SNAP91: variants seen among roughly 807,000 people sequenced by gnomAD.
SNAP91 encodes the protein synaptosome associated protein 91, also known as clathrin coat assembly protein AP180.
Under a neutral mutation model 100.3 loss-of-function variants are expected in SNAP91, and 27 were observed. The observed-to-expected ratio is 0.27, with a 90% CI of 0.20 to 0.37. The LOEUF is 0.37. Among genes scored for constraint, SNAP91 ranks in the 10% least tolerant of loss-of-function variants. The pLI, the probability that SNAP91 is intolerant of heterozygous loss-of-function variation, is 1.00. For missense variants in SNAP91, 986 were observed against 1,123.7 expected (o/e 0.88, Z 1.75); for synonymous variants, 404 against 398.6 (o/e 1.01, Z -0.16).
intron 7 of SNAP91, among the ~76,000 whole-genome samples, chr6:83,654,916 A>T (rs1006186161): frequency 6.6e-6 from 1 of 152,176 alleles, no homozygotes; most frequent in Non-Finnish European, 1.5e-5. Flanking sequence ...ACCTCAATAA[A>T]CAGAAACCAT....
At chr6:83,590,627 T>C (rs147920983) in intron 22 of SNAP91, among the ~76,000 whole-genome samples, 1 of 152,114 alleles carries the variant, frequency 6.6e-6, no homozygotes, top group Non-Finnish European at 1.5e-5. Flanking sequence ...CTGTAACAGT[T>C]TCTCTTGGAG....
intron 2 of SNAP91, among the ~76,000 whole-genome samples, chr6:83,695,440 T>A (rs9444098): frequency 0.064 from 9,700 of 152,190 alleles, 988 homozygotes; most frequent in African/African-American, 0.22. Context: ...ATCTTATTGT[T>A]TGAATACACT....
chr6:83,683,276 T>G (rs573560799), intron 2 of SNAP91, among the ~76,000 whole-genome samples: 1 of 152,158 alleles, frequency 6.6e-6, no homozygotes, highest in African/African-American at 2.4e-5. Flanking sequence ...AAGACTCTCT[T>G]AGTAAGTGAT....
chr6:83,692,369 G>A (rs978904180), intron 2 of SNAP91, among the ~76,000 whole-genome samples: 4 of 152,052 alleles, frequency 2.6e-5, no homozygotes, highest in Admixed American at 6.6e-5. Context: ...ACAAAAATTA[G>A]CTAGGCGTGG....
intron 8 of SNAP91, among the ~76,000 whole-genome samples, chr6:83,632,084 CTG>C (rs2097229638): frequency 6.6e-6 from 1 of 151,880 alleles, no homozygotes; most frequent in East Asian, 1.9e-4. Flanking sequence ...CTGAAAAAGA[CTG>C]TATCTTTCCT....
Position 83,601,605 on chromosome 6 carries a change from G to A in SNAP91, c.1142-6C>T, listed in dbSNP as rs140189735. ...CTCACCCTCTCCCAAAAGGTCTACCGATGTCCATTACATGGCAGCATAAGA... is the reference window on the plus strand; with the variant it reads ...CTCACCCTCTCCCAAAAGGTCTACCAATGTCCATTACATGGCAGCATAAGA... On this transcript the variant is annotated splice_polypyrimidine_tract_variant and splice_region_variant and intron_variant, in intron 14 of 29. Coordinates refer to ENST00000369694, the MANE Select transcript of SNAP91 (RefSeq NM_001242792.2). 1.1e-5 allele frequency: 17 copies of A among 1,612,962 alleles called. No homozygotes were observed. Among genetic ancestry groups the A allele is most frequent in the Admixed American group, 1.7e-5 (1 of 59,944 alleles).
rs1439044081 is a variant in SNAP91 at position 83,622,035 on chromosome 6, T to TA, written c.807+1265dup. Among the ~76,000 whole-genome samples the TA allele has an allele frequency of 3.3e-5, 5 of 152,134 alleles. No individual in the cohort carries two copies. The East Asian group carries it at 9.6e-4, about 29-fold the overall frequency. On this transcript the variant is annotated intron_variant, in intron 9 of 29. Coordinates refer to ENST00000369694, the MANE Select transcript of SNAP91 (RefSeq NM_001242792.2). ...GTTACAAAGATAAATCTATATCTAA[T>TA]AAAGAGATTTTTAGTGGCACTTTAT...
intron 7 of SNAP91, among the ~76,000 whole-genome samples, chr6:83,641,439 GA>G (rs1290685099): frequency 6.6e-6 from 1 of 152,076 alleles, no homozygotes; most frequent in African/African-American, 2.4e-5. Flanking sequence ...AATGAAAACA[GA>G]ACTAAAGTAG....
intron 26 of SNAP91, among the ~76,000 whole-genome samples, chr6:83,573,269 G>A (rs1290422812): frequency 1.1e-4 from 16 of 152,150 alleles, no homozygotes; most frequent in Admixed American, 1.0e-3. Flanking sequence ...TCTTCAAGGA[G>A]AACTACAAAC....
intron 27 of SNAP91, among the ~76,000 whole-genome samples, 158 bp from the exon 28 acceptor site, chr6:83,560,366 T>C (rs2127826979): frequency 6.6e-6 from 1 of 152,346 alleles, no homozygotes; most frequent in East Asian, 1.9e-4. Flanking sequence ...AATGTGAGGC[T>C]GTACTGTGAG....
intron 2 of SNAP91, among the ~76,000 whole-genome samples, chr6:83,684,903 C>A (rs933306169): frequency 2.6e-5 from 4 of 152,162 alleles, no homozygotes; most frequent in African/African-American, 9.7e-5. Flanking sequence ...GACAATTATT[C>A]TTAAAATGAG....
intron 16 of SNAP91, among the ~76,000 whole-genome samples, chr6:83,596,155 A>G (rs1484471776): frequency 1.3e-5 from 2 of 152,188 alleles, no homozygotes; most frequent in African/African-American, 4.8e-5. Flanking sequence ...ACTGGTCTCA[A>G]GTGAGCCTCT....
chr6:83,568,331 A>C (rs888901638), intron 26 of SNAP91, among the ~76,000 whole-genome samples: 18 of 151,696 alleles, frequency 1.2e-4, no homozygotes, highest in African/African-American at 4.1e-4. Context: ...AACATCACAC[A>C]CTGGGGCCTG....
intron 2 of SNAP91, among the ~76,000 whole-genome samples, chr6:83,695,544 A>G (rs543101181): frequency 6.6e-6 from 1 of 152,236 alleles, no homozygotes; most frequent in South Asian, 2.1e-4. Flanking sequence ...CATTTTTCCA[A>G]TTATTTACCT....
At chr6:83,592,880 A>G in intron 20 of SNAP91, 66 bp downstream of exon 20, 1 of 1,189,340 alleles carries the variant, frequency 8.4e-7, no homozygotes, top group South Asian at 1.3e-5. Context: ...CACATGTTAT[A>G]TCCTTCTCTC....
intron 16 of SNAP91, among the ~76,000 whole-genome samples, chr6:83,600,563 A>G (rs1157465840): frequency 6.6e-6 from 1 of 152,246 alleles, no homozygotes; most frequent in Non-Finnish European, 1.5e-5. Context: ...AACTGGCTTC[A>G]CATGGCTCAT....
intron 2 of SNAP91, among the ~76,000 whole-genome samples, chr6:83,694,307 C>G (rs182383634): frequency 2.2e-4 from 34 of 152,272 alleles, no homozygotes; most frequent in Admixed American, 5.2e-4. Flanking sequence ...GCAATACTCC[C>G]CTTTTTGTCT....
intron 2 of SNAP91, among the ~76,000 whole-genome samples, chr6:83,701,089 A>G (rs2099297481): frequency 6.6e-6 from 1 of 152,242 alleles, no homozygotes. Context: ...TTTCTTTGAA[A>G]TGGTGAGTAA....
intron 2 of SNAP91, among the ~76,000 whole-genome samples, chr6:83,688,127 G>A (rs578195065): frequency 6.6e-6 from 1 of 152,108 alleles, no homozygotes; most frequent in South Asian, 2.1e-4. Context: ...TGACCCCATA[G>A]CCTCTGCATC....
Sources: allele counts gnomAD v4.1 joint callset (sites outside exome capture counted in the v4.1 genomes callset), GRCh38; gene constraint gnomAD v4.1.1; transcripts MANE v1.5; gene names NCBI Gene and HGNC (gene_info 2026-07-23, HGNC 2026-07-21).